Variants in MAP7 observed in about 807,000 individuals in gnomAD.
MAP7 encodes the protein ensconsin.
Under a neutral mutation model 94.8 loss-of-function variants are expected in MAP7, and 52 were observed. That is an observed-to-expected ratio of 0.55 (90% confidence interval 0.44 to 0.69). The LOEUF is 0.69. Ranked by LOEUF, MAP7 falls within the 30% of genes least tolerant of loss-of-function variation. MAP7 has a pLI of 0.00. For missense variants in MAP7, 940 were observed against 964.6 expected (o/e 0.97, Z 0.34); for synonymous variants, 350 against 357.0 (o/e 0.98, Z 0.22).
intron 1 of MAP7, among the ~76,000 whole-genome samples, chr6:136,527,919 G>A (rs1026662450): frequency 4.6e-5 from 7 of 152,158 alleles, no homozygotes; most frequent in African/African-American, 1.4e-4. Flanking sequence ...TAGATCTCTG[G>A]CATGAAGAAA....
chr6:136,531,944 A>C (rs2129056511), intron 1 of MAP7, among the ~76,000 whole-genome samples: 1 of 152,334 alleles, frequency 6.6e-6, no homozygotes, highest in South Asian at 2.1e-4. Context: ...ACTCAGGTCC[A>C]AAATGATCTC....
At chr6:136,459,775 G>A (rs1413754731) in intron 1 of MAP7, among the ~76,000 whole-genome samples, 1 of 152,052 alleles carries the variant, frequency 6.6e-6, no homozygotes, top group Non-Finnish European at 1.5e-5. Flanking sequence ...GCTATTCAAT[G>A]GGTATAAAGT....
At position 136,369,827 on chromosome 6, in the gene MAP7, A is replaced by G. The variant is rs117316791; in HGVS notation, c.876+2674T>C. Among the ~76,000 whole-genome samples the G allele has an allele frequency of 9.0e-3, 1,369 of 152,356 alleles. 12 individuals carry two copies. The highest frequency in any genetic ancestry group is 0.013 in the Non-Finnish European group (916 of 68,032). On this transcript the variant is annotated intron_variant, in intron 8 of 17. Transcript: ENST00000354570. ...CACTATAAAACCTCTAGAAGAAAAC[A>G]TAAGTGAAAAGCTTCATGACACTGT...
chr6:136,389,783 T>G (rs1053717516), intron 3 of MAP7, among the ~76,000 whole-genome samples: 2 of 152,196 alleles, frequency 1.3e-5, no homozygotes, highest in Non-Finnish European at 2.9e-5. Flanking sequence ...CCCTCTAGTT[T>G]GTAGGTAGAA....
At chr6:136,348,661 T>C (rs182130182) in intron 16 of MAP7, among the ~76,000 whole-genome samples, 37 of 152,322 alleles carry the variant, frequency 2.4e-4, no homozygotes, top group Admixed American at 1.7e-3. Context: ...AGAACCTTAT[T>C]TTCTCTTGAT....
At chr6:136,420,442 G>T in intron 2 of MAP7, 1 of 495,704 alleles carries the variant, frequency 2.0e-6, no homozygotes, top group Non-Finnish European at 3.6e-6. Flanking sequence ...TGATTTTCAT[G>T]CTAAAGAATT....
chr6:136,367,005 T>A (rs1033006219), intron 8 of MAP7, among the ~76,000 whole-genome samples: 3 of 152,178 alleles, frequency 2.0e-5, no homozygotes, highest in Non-Finnish European at 4.4e-5. Context: ...AGATAACTGA[T>A]ACAATAGGTG....
intron 1 of MAP7, among the ~76,000 whole-genome samples, chr6:136,508,054 A>T (rs1314783911): frequency 1.3e-5 from 2 of 152,174 alleles, no homozygotes; most frequent in Non-Finnish European, 2.9e-5. Context: ...GGCTGGGTGC[A>T]GTGGTGAACG....
intron 15 of MAP7, 114 bp downstream of exon 15, chr6:136,359,706 G>T: frequency 1.0e-6 from 1 of 962,102 alleles, no homozygotes; most frequent in Non-Finnish European, 1.6e-6. Context: ...GCTTCTGTGA[G>T]TCTGTAAGCA....
At chr6:136,440,025 G>T (rs1159136062) in intron 1 of MAP7, among the ~76,000 whole-genome samples, 7 of 152,158 alleles carry the variant, frequency 4.6e-5, no homozygotes, top group Non-Finnish European at 1.0e-4. Context: ...CCAAAGCTGG[G>T]CAGGTTAGCT....
intron 15 of MAP7, among the ~76,000 whole-genome samples, chr6:136,358,790 T>C (rs905967827): frequency 6.6e-6 from 1 of 152,206 alleles, no homozygotes; most frequent in African/African-American, 2.4e-5. Flanking sequence ...TGATGAGCTA[T>C]CTACTAACCA....
At chr6:136,403,874 G>A (rs1234233084) in intron 3 of MAP7, among the ~76,000 whole-genome samples, 2 of 152,204 alleles carry the variant, frequency 1.3e-5, no homozygotes, top group African/African-American at 2.4e-5. Flanking sequence ...CTCTCACTAA[G>A]ATGCATTTAG....
chr6:136,429,262 A>G (rs1794193735), intron 1 of MAP7, among the ~76,000 whole-genome samples: 1 of 152,242 alleles, frequency 6.6e-6, no homozygotes, highest in South Asian at 2.1e-4. Context: ...AGTCTCACCT[A>G]CAGTGAGAAT....
At chr6:136,423,298 G>C (rs1482179333) in intron 1 of MAP7, among the ~76,000 whole-genome samples, 2 of 152,102 alleles carry the variant, frequency 1.3e-5, no homozygotes, top group Non-Finnish European at 2.9e-5. Context: ...TCTGTAAATG[G>C]GGAAAACATC....
At chr6:136,421,612 A>T in intron 2 of MAP7, 89 bp downstream of exon 2, 1 of 1,281,716 alleles carries the variant, frequency 7.8e-7, no homozygotes, top group Non-Finnish European at 1.1e-6. Flanking sequence ...ACTAGAATTT[A>T]AACAAATTAA....
chr6:136,540,688 ACAC>A (rs1461192975), intron 1 of MAP7, among the ~76,000 whole-genome samples: 4 of 152,222 alleles, frequency 2.6e-5, no homozygotes, highest in Admixed American at 6.5e-5. Context: ...TTGACACCAC[ACAC>A]CACAATAGTC....
chr6:136,359,988 G>A lies in MAP7; in HGVS notation c.1847C>T (p.Thr616Ile). 1 of 1,613,396 alleles carries A rather than the reference G, an allele frequency of 6.2e-7. No homozygotes were observed. Among genetic ancestry groups the A allele is most frequent in the East Asian group, 2.2e-5 (1 of 44,862 alleles). ...AAACGGCCATGTCAATACCTTATCTGTAGCTTCTGTTCTCCTGGTTCTTTT... is the reference window on the plus strand; with the variant it reads ...AAACGGCCATGTCAATACCTTATCTATAGCTTCTGTTCTCCTGGTTCTTTT... ...IMKRTRRTEA[T>I]DKKTSDQRNG... is the part of the protein sequence containing the mutation. Residue 616 changes from threonine (T) to isoleucine (I), a missense_variant, in exon 14 of 18, where the codon ACA becomes ATA. Transcript: ENST00000354570.
chr6:136,530,682 T>G (rs1221296210), intron 1 of MAP7, among the ~76,000 whole-genome samples: 1 of 145,186 alleles, frequency 6.9e-6, no homozygotes. Flanking sequence ...TCTGCCATCT[T>G]GCAGCATCAT....
At chr6:136,535,286 G>A (rs539447442) in intron 1 of MAP7, among the ~76,000 whole-genome samples, 1 of 152,080 alleles carries the variant, frequency 6.6e-6, no homozygotes. Context: ...GCCTGCTCCC[G>A]CTTCACCTTC....
Sources: gnomAD v4.1 joint callset for allele counts (sites outside exome capture counted in the v4.1 genomes callset) on GRCh38, gnomAD v4.1.1 for gene constraint, MANE v1.5 for transcripts, NCBI Gene and HGNC (gene_info 2026-07-23, HGNC 2026-07-21) for gene names.